CCDC40: variants seen among roughly 807,000 people sequenced by gnomAD.
CCDC40 encodes the protein coiled-coil domain-containing protein 40.
CCDC40 carries 104 observed loss-of-function variants against 124.5 expected under a neutral mutation model. The ratio of observed to expected loss-of-function variants is 0.84; its 90% CI spans 0.71 to 0.98. CCDC40 has a LOEUF of 0.98. CCDC40 is among the 50% of genes least tolerant of loss of function. CCDC40 has a pLI of 0.00. For missense variants in CCDC40, 1,463 were observed against 1,503.9 expected (o/e 0.97, Z 0.45); for synonymous variants, 580 against 602.9 (o/e 0.96, Z 0.56).
Position 80,083,776 on chromosome 17 carries a change from C to T in CCDC40, c.1990-967C>T, listed in dbSNP as rs147094457. On this transcript the variant is annotated intron_variant, in intron 12 of 19. Coordinates refer to ENST00000397545, the MANE Select transcript of CCDC40 (RefSeq NM_017950.4). ...AGCCCACAGAGGAGGCCAGCACTGG[C>T]GGCTCAGACCTGCCGGACAGCAGGA... Among the ~76,000 whole-genome samples, 448 of 152,354 alleles carry T rather than the reference C, an allele frequency of 2.9e-3. 4 individuals carry two copies. Among genetic ancestry groups the T allele is most frequent in the African/African-American group, 0.01 (431 of 41,578 alleles).
chr17:80,038,697 C>T (rs547057259), intron 2 of CCDC40, among the ~76,000 whole-genome samples: 260 of 152,046 alleles, frequency 1.7e-3, no homozygotes, highest in Admixed American at 3.2e-3. Flanking sequence ...TGGTGGTTCA[C>T]GCCTGTAGTC....
intron 3 of CCDC40, among the ~76,000 whole-genome samples, chr17:80,042,622 T>C (rs190646836): frequency 1.3e-5 from 2 of 152,326 alleles, no homozygotes; most frequent in Admixed American, 1.3e-4. Flanking sequence ...ACAGTTAACT[T>C]CTTCCTTTCC....
At chr17:80,098,468 G>A (rs1458804325) in intron 19 of CCDC40, among the ~76,000 whole-genome samples, 2 of 152,368 alleles carry the variant, frequency 1.3e-5, no homozygotes, top group South Asian at 4.1e-4. Context: ...GGGCTGGCGA[G>A]AAGCCATCAG....
intron 10 of CCDC40, among the ~76,000 whole-genome samples, chr17:80,074,477 T>A (rs2038265728): frequency 6.6e-6 from 1 of 151,896 alleles, no homozygotes; most frequent in Admixed American, 6.6e-5. Context: ...AGAGCGAGAC[T>A]CTGTCTCAAA....
At chr17:80,094,883 A>G (rs1313832315) in intron 17 of CCDC40, among the ~76,000 whole-genome samples, 1 of 151,882 alleles carries the variant, frequency 6.6e-6, no homozygotes, top group African/African-American at 2.4e-5. Context: ...GTGCATTGTC[A>G]CAACTAAGAA....
intron 5 of CCDC40, among the ~76,000 whole-genome samples, chr17:80,049,121 G>C (rs962251544): frequency 6.6e-6 from 1 of 152,014 alleles, no homozygotes; most frequent in South Asian, 2.1e-4. Context: ...CAGGCTGGAC[G>C]TGGTAGCTCA....
chr17:80,065,477 G>T lies in CCDC40; in HGVS notation c.1441-8G>T, dbSNP rs762319130. On this transcript the variant is annotated splice_region_variant and splice_polypyrimidine_tract_variant and intron_variant, in intron 9 of 19. Transcript: ENST00000397545. The stretch of plus-strand genomic sequence containing the variant: ...AGCCATTCCTGCCCCCTCCCCTGTT[G>T]GCTGCAGGCCTGCACCGAGATCGAC... The T allele has an allele frequency of 1.4e-5, 23 of 1,612,004 alleles. No individual in the cohort carries two copies. In the African/African-American group the frequency reaches 2.8e-4, roughly 20 times the overall value.
chr17:80,040,063 G>A lies in CCDC40; in HGVS notation c.345G>A (p.Pro115=), dbSNP rs561961621. 31 of 1,614,090 alleles carry A rather than the reference G, an allele frequency of 1.9e-5. No homozygotes were observed. Among genetic ancestry groups the A allele is most frequent in the Middle Eastern group, 3.3e-4 (2 of 6,062 alleles). Residue 115 remains proline (P), a synonymous_variant, in exon 3 of 20, where the codon CCG becomes CCA. Coordinates refer to ENST00000397545, the MANE Select transcript of CCDC40 (RefSeq NM_017950.4). ...GQISAADTTY[P]YFSPPQELPG... ...TCAGTGCTGCAGATACGACTTACCC[G>A]TATTTCAGTCCTCCTCAGGAACTGC... is the stretch of plus-strand genomic sequence containing the variant.
intron 7 of CCDC40, among the ~76,000 whole-genome samples, chr17:80,056,767 T>C (rs2037758670): frequency 6.6e-6 from 1 of 151,756 alleles, no homozygotes; most frequent in South Asian, 2.1e-4. Flanking sequence ...TAGCCAGGCC[T>C]GGTGGCTCAC....
chr17:80,075,564 G>T (rs1354735756), intron 10 of CCDC40, among the ~76,000 whole-genome samples: 1 of 152,112 alleles, frequency 6.6e-6, no homozygotes, highest in African/African-American at 2.4e-5. Context: ...TCCATCTGCC[G>T]CCCGCCCCGG....
chr17:80,056,017 T>TA (rs1555893115), intron 7 of CCDC40, among the ~76,000 whole-genome samples: 8 of 26,698 alleles, frequency 3.0e-4, no homozygotes, highest in South Asian at 1.5e-3. Context: ...TATATATATA[T>TA]TTTTTTTTTT....
intron 2 of CCDC40, among the ~76,000 whole-genome samples, chr17:80,038,797 C>T: frequency 6.6e-6 from 1 of 152,024 alleles, no homozygotes; most frequent in South Asian, 2.1e-4. Context: ...TGCACTCAGC[C>T]TGGCGACAGA....
In CCDC40 at chr17:80,065,580, G is replaced by T; in HGVS notation, c.1536G>T (p.Ala512=). 6.2e-7 allele frequency: 1 copy of T among 1,612,784 alleles called. No homozygotes were observed. Among genetic ancestry groups the T allele is most frequent in the Non-Finnish European group, 8.5e-7 (1 of 1,179,904 alleles). ...TGGGCATGAAGCACCGCGACGAGGC[G>T]CACAGGGCGGTGCTGGAGGCGCTCA... The part of the protein sequence containing the change: ...SLVGMKHRDE[A]HRAVLEALRG... The change falls in exon 10 of 20, where the codon GCG becomes GCT. Residue 512 remains alanine, a synonymous_variant. Transcript: ENST00000397545.
At chr17:80,051,573 G>A (rs1203966268) in intron 7 of CCDC40, among the ~76,000 whole-genome samples, 1 of 136,406 alleles carries the variant, frequency 7.3e-6, no homozygotes, top group East Asian at 2.1e-4. Context: ...AGCTTGCAGT[G>A]AGCCGAGATC....
rs368234839 is a variant in CCDC40, at chr17:80,079,429, G to T, written c.1563-2117G>T. 1.4e-4 allele frequency among the ~76,000 whole-genome samples: 22 copies of T among 152,172 alleles called. No homozygotes were observed. The East Asian group carries it at 2.1e-3, about 15-fold the overall frequency. ...CCCGCTCTGCAGCTTGGTGTTTCTT[G>T]TGCTGTGTCTTAGAGTTATTCCATG... On this transcript the variant is annotated intron_variant, in intron 10 of 19. Transcript: ENST00000397545.
At chr17:80,076,663 C>G (rs1366089876) in intron 10 of CCDC40, among the ~76,000 whole-genome samples, 4 of 146,936 alleles carry the variant, frequency 2.7e-5, no homozygotes, top group Non-Finnish European at 4.4e-5. Flanking sequence ...AACATCAATG[C>G]AAGACCCTCT....
intron 17 of CCDC40, 119 bp from the exon 18 acceptor site, chr17:80,095,144 T>G: frequency 1.1e-6 from 1 of 938,578 alleles, no homozygotes; most frequent in East Asian, 2.6e-5. Context: ...GCCTCACTGT[T>G]TCCCCGCCGA....
At chr17:80,080,100 C>T (rs879284927) in intron 10 of CCDC40, among the ~76,000 whole-genome samples, 1 of 152,002 alleles carries the variant, frequency 6.6e-6, no homozygotes, top group Non-Finnish European at 1.5e-5. Context: ...TGGCACACAC[C>T]TGTAATCCCA....
chr17:80,081,847 A>G, intron 11 of CCDC40, 29 bp from the exon 12 acceptor site: 9 of 1,614,060 alleles, frequency 5.6e-6, no homozygotes, highest in Non-Finnish European at 7.6e-6. Context: ...CTCTTCAGGC[A>G]CGTGCACCCT....
Sources: gnomAD v4.1 joint callset for allele counts (sites outside exome capture counted in the v4.1 genomes callset) on GRCh38, gnomAD v4.1.1 for gene constraint, MANE v1.5 for transcripts, NCBI Gene and HGNC (gene_info 2026-07-23, HGNC 2026-07-21) for gene names.